Variants in FAM3D observed in about 807,000 individuals in gnomAD.
The protein encoded by FAM3D is protein FAM3D.
A neutral mutation model predicts 29.8 loss-of-function variants in FAM3D; 26 were observed. That is an observed-to-expected ratio of 0.87 (90% CI 0.64 to 1.21). The LOEUF (loss-of-function observed/expected upper bound fraction) is 1.21. Ranked by LOEUF, FAM3D falls within the 50% of genes most tolerant of loss-of-function variation. The probability of loss-of-function intolerance (pLI) is 0.00; values close to 1 mark genes in which losing one functional copy is unlikely to be tolerated. For missense variants in FAM3D, 253 were observed against 290.9 expected (o/e 0.87, Z 0.95); for synonymous variants, 115 against 102.3 (o/e 1.12, Z -0.75).
At chr3:58,666,117 TG>T (rs1399759501) in intron 1 of FAM3D, among the ~76,000 whole-genome samples, 2 of 152,190 alleles carry the variant, frequency 1.3e-5, no homozygotes, top group African/African-American at 4.8e-5. Context: ...CAAATATTTG[TG>T]TGGCTCACTG....
Position 58,645,533 on chromosome 3 carries a change from G to T in FAM3D, c.239C>A (p.Pro80His). 6.2e-7 allele frequency: 1 copy of T among 1,614,110 alleles called. No individual in the cohort carries two copies. Residue 80 changes from proline to histidine, a missense_variant, in exon 5 of 10, where the codon CCT becomes CAT. Transcript: ENST00000358781. ...ICSGAANVVG[P>H]TMCFEDRMIM... ...CATGCGGTCTTCAAAGCACATAGTA[G>T]GGCCCACGACGTTGGCGGCCCCACT...
At chr3:58,658,336 T>C (rs981386535) in intron 1 of FAM3D, among the ~76,000 whole-genome samples, 1 of 152,132 alleles carries the variant, frequency 6.6e-6, no homozygotes, top group Non-Finnish European at 1.5e-5. Context: ...GAGAAGAAAG[T>C]TGAAGTTCAG....
intron 4 of FAM3D, among the ~76,000 whole-genome samples, chr3:58,648,875 T>C (rs940635148): frequency 3.3e-5 from 5 of 152,200 alleles, no homozygotes; most frequent in Admixed American, 6.5e-5. Flanking sequence ...TGTTTGTCTC[T>C]GGGGCCCCTG....
intron 1 of FAM3D, among the ~76,000 whole-genome samples, chr3:58,658,830 T>C (rs759033403): frequency 6.6e-6 from 1 of 152,220 alleles, no homozygotes; most frequent in African/African-American, 2.4e-5. Flanking sequence ...CTAAGCTAGA[T>C]GTGATAAGTC....
chr3:58,654,044 C>G (rs1419391073), intron 2 of FAM3D, among the ~76,000 whole-genome samples: 1 of 152,226 alleles, frequency 6.6e-6, no homozygotes, highest in Admixed American at 6.5e-5. Flanking sequence ...CCTGCCTGGG[C>G]TCCACTTAGC....
chr3:58,652,475 C>G (rs1293538960), intron 3 of FAM3D, among the ~76,000 whole-genome samples: 1 of 150,984 alleles, frequency 6.6e-6, no homozygotes, highest in Non-Finnish European at 1.5e-5. Context: ...TCTCCACCCA[C>G]TCATCCATCC....
intron 4 of FAM3D, among the ~76,000 whole-genome samples, chr3:58,647,821 C>T (rs1406824301): frequency 6.6e-6 from 1 of 152,226 alleles, no homozygotes; most frequent in Non-Finnish European, 1.5e-5. Context: ...TGGTGTGCTA[C>T]CAAGAGCACT....
chr3:58,648,769 T>G (rs528032832), intron 4 of FAM3D, among the ~76,000 whole-genome samples: 2 of 152,288 alleles, frequency 1.3e-5, no homozygotes, highest in East Asian at 3.9e-4. Flanking sequence ...CCTGAGGCCT[T>G]GCAGGGGGTG....
At chr3:58,642,247 A>G (rs906517056) in intron 6 of FAM3D, among the ~76,000 whole-genome samples, 1 of 152,070 alleles carries the variant, frequency 6.6e-6, no homozygotes, top group South Asian at 2.1e-4. Flanking sequence ...TCTGACTCCC[A>G]TCTGTCCAGG....
intron 1 of FAM3D, among the ~76,000 whole-genome samples, chr3:58,665,988 ATAGC>A (rs2067023015): frequency 6.6e-6 from 1 of 152,230 alleles, no homozygotes; most frequent in Admixed American, 6.5e-5. Context: ...TCAATATTAC[ATAGC>A]TAGAAAATCT....
intron 6 of FAM3D, among the ~76,000 whole-genome samples, chr3:58,643,103 C>T (rs554421331): frequency 1.4e-4 from 21 of 152,306 alleles, no homozygotes; most frequent in Non-Finnish European, 2.6e-4. Context: ...TGCATCCCAG[C>T]TCTGCATCCC....
In FAM3D at chr3:58,637,185, C is replaced by A; in HGVS notation, c.414G>T (p.Gly138=). Residue 138 remains glycine (G), a synonymous_variant, in exon 8 of 10, where the codon GGG becomes GGT. Coordinates refer to ENST00000358781, the MANE Select transcript of FAM3D (RefSeq NM_138805.3). ...AGGAGGCCACCAGCACCAGTGCACC[C>A]CCCGGAATTTCTTTAAGGAATTTCA... is the stretch of plus-strand genomic sequence containing the variant. ...HLVKFLKEIP[G]GALVLVASYD... 8 of 1,613,984 alleles carry A rather than the reference C, an allele frequency of 5.0e-6. No homozygotes were observed. Among genetic ancestry groups the A allele is most frequent in the Non-Finnish European group, 6.8e-6 (8 of 1,179,978 alleles).
At position 58,641,456 on chromosome 3, in the gene FAM3D, G is replaced by T. The variant is rs543054071; in HGVS notation, c.323-1279C>A. On this transcript the variant is annotated intron_variant, in intron 6 of 9. Transcript: ENST00000358781. The stretch of plus-strand genomic sequence containing the variant: ...GCTGACTGCAACCTCGACCTCCCAG[G>T]CTCAAGCAATCCTCCCACCTCAGCC... Among the ~76,000 whole-genome samples the T allele has an allele frequency of 3.3e-4, 50 of 152,124 alleles. 1 individual carries two copies. The highest frequency in any genetic ancestry group is 1.2e-3 in the African/African-American group (48 of 41,480).
Position 58,647,100 on chromosome 3 carries a change from C to T in FAM3D, c.146-1474G>A, listed in dbSNP as rs182088718. Among the ~76,000 whole-genome samples the T allele has an allele frequency of 2.0e-3, 303 of 152,346 alleles. 1 individual carries two copies. The highest frequency in any genetic ancestry group is 2.8e-3 in the Non-Finnish European group (189 of 68,020). ...ACCCTGCTGGCTTGGTTTCCCTCCA[C>T]TGAGCAGGCAACCCTGGGAATCTGA... On this transcript the variant is annotated intron_variant, in intron 4 of 9. Coordinates refer to ENST00000358781, the MANE Select transcript of FAM3D (RefSeq NM_138805.3).
chr3:58,655,746 C>T, intron 1 of FAM3D, 145 bp from the exon 2 acceptor site: 1 of 582,144 alleles, frequency 1.7e-6, no homozygotes, highest in Non-Finnish European at 2.9e-6. Context: ...AACAAGAGGG[C>T]AATTTTCCTC....
chr3:58,656,968 C>G (rs1228767389), intron 1 of FAM3D, among the ~76,000 whole-genome samples: 2 of 152,208 alleles, frequency 1.3e-5, no homozygotes, highest in Non-Finnish European at 2.9e-5. Context: ...TGAATTGTAA[C>G]AGTCCTCCCA....
In FAM3D at chr3:58,653,733, A is replaced by T. The variant is rs1254660215; in HGVS notation, c.62T>A (p.Met21Lys). Residue 21 changes from methionine (M) to lysine (K), a missense_variant, in exon 3 of 10, where the codon ATG (methionine) becomes AAG (lysine). Transcript: ENST00000358781. The stretch of plus-strand genomic sequence containing the variant: ...GAAGCTCATGTAGCTTCGAATAAAC[A>T]TCCATGTCGTGACTATGGCAAAGAT... The part of the protein sequence containing the change: ...ALIFAIVTTW[M>K]FIRSYMSFSM... 6.2e-7 allele frequency: 1 copy of T among 1,614,136 alleles called. No homozygotes were observed. The highest frequency in any genetic ancestry group is 8.5e-7 in the Non-Finnish European group (1 of 1,180,052).
Position 58,655,565 on chromosome 3 carries a change from C to T in FAM3D, c.-2G>A, listed in dbSNP as rs777250555. 30 of 1,613,386 alleles carry T rather than the reference C, an allele frequency of 1.9e-5. No homozygotes were observed. The highest frequency in any genetic ancestry group is 1.3e-4 in the Admixed American group (8 of 59,978). On this transcript the variant is annotated 5_prime_UTR_variant, in exon 2 of 10. Transcript: ENST00000358781. ...TCAGAGCCTACCTGACACTCTCATC[C>T]TGTCCAGGTGAAGGGTGGCTTGGGG...
chr3:58,652,953 C>T (rs571773642), intron 3 of FAM3D, among the ~76,000 whole-genome samples: 13 of 142,828 alleles, frequency 9.1e-5, no homozygotes, highest in African/African-American at 3.2e-4. Context: ...TCCATCCACC[C>T]ACCCATTTAT....
Sources: allele counts gnomAD v4.1 joint callset (sites outside exome capture counted in the v4.1 genomes callset), GRCh38; gene constraint gnomAD v4.1.1; transcripts MANE v1.5; gene names NCBI Gene and HGNC (gene_info 2026-07-23, HGNC 2026-07-21).